Variants in CTNNA3 observed in about 807,000 individuals in gnomAD.
CTNNA3 encodes the protein catenin alpha-3.
CTNNA3 carries 76 observed loss-of-function variants against 95.7 expected under a neutral mutation model. The ratio of observed to expected loss-of-function variants is 0.79; its 90% CI spans 0.66 to 0.96. The LOEUF is 0.96. Ranked by LOEUF, CTNNA3 falls within the 40% of genes least tolerant of loss-of-function variation. The pLI, the probability that CTNNA3 is intolerant of heterozygous loss-of-function variation, is 0.00. For synonymous variants in CTNNA3, 431 were observed against 374.4 expected, an observed-to-expected ratio of 1.15 and a Z score of -1.74; for missense variants, 1,191 against 1,089.8, an observed-to-expected ratio of 1.09 and a Z score of -1.31.
intron 5 of CTNNA3, among the ~76,000 whole-genome samples, chr10:67,442,432 A>AAG (rs370901271): frequency 3.9e-5 from 6 of 152,136 alleles, no homozygotes; most frequent in African/African-American, 9.7e-5. Context: ...GATTAAAAAA[A>AAG]AGAGAGAGAC....
intron 7 of CTNNA3, among the ~76,000 whole-genome samples, chr10:66,809,506 C>T (rs992022463): frequency 6.6e-6 from 1 of 151,870 alleles, no homozygotes; most frequent in African/African-American, 2.4e-5. Context: ...GTTCTTTTAA[C>T]AGATTTGAAT....
chr10:66,662,832 A>G (rs887004080), intron 9 of CTNNA3, among the ~76,000 whole-genome samples: 3 of 152,156 alleles, frequency 2.0e-5, no homozygotes, highest in Non-Finnish European at 4.4e-5. Flanking sequence ...AAGGAAAGGA[A>G]GGAGAAAAAT....
At chr10:66,319,191 GA>G (rs533989675) in intron 12 of CTNNA3, among the ~76,000 whole-genome samples, 46 of 151,558 alleles carry the variant, frequency 3.0e-4, no homozygotes, top group African/African-American at 9.4e-4. Context: ...AATCAAATGG[GA>G]AAAAAAATCA....
At chr10:66,856,080 C>T (rs1169254196) in intron 7 of CTNNA3, among the ~76,000 whole-genome samples, 1 of 151,906 alleles carries the variant, frequency 6.6e-6, no homozygotes, top group African/African-American at 2.4e-5. Context: ...CCTCACCCTC[C>T]ACCCTAGAGT....
At chr10:67,521,774 C>G in intron 5 of CTNNA3, 68 bp downstream of exon 5, 2 of 1,566,460 alleles carry the variant, frequency 1.3e-6, no homozygotes, top group Non-Finnish European at 1.7e-6. Context: ...ACCTGCACCT[C>G]TGACAGGCAG....
chr10:66,587,930 C>T (rs960133268), intron 10 of CTNNA3, among the ~76,000 whole-genome samples: 3 of 152,146 alleles, frequency 2.0e-5, no homozygotes, highest in African/African-American at 7.2e-5. Context: ...ACTTGCCCCT[C>T]ATTTCTGGCC....
intron 7 of CTNNA3, among the ~76,000 whole-genome samples, chr10:66,886,208 A>AT (rs1845037222): frequency 6.6e-6 from 1 of 152,108 alleles, no homozygotes; most frequent in African/African-American, 2.4e-5. Context: ...CTCTGGAATC[A>AT]TTTTTCAATA....
chr10:67,510,118 T>G (rs1564703342), intron 5 of CTNNA3, among the ~76,000 whole-genome samples: 1 of 152,188 alleles, frequency 6.6e-6, no homozygotes, highest in Non-Finnish European at 1.5e-5. Flanking sequence ...TTGCAAAAAT[T>G]TTTTCCCATT....
intron 7 of CTNNA3, chr10:67,099,932 G>A (rs1318441641): frequency 6.6e-6 from 1 of 151,718 alleles, no homozygotes; most frequent in African/African-American, 2.4e-5. Flanking sequence ...TGATTCGTGA[G>A]TCTAAAATCA....
At chr10:66,681,091 TG>T (rs1302520083) in intron 9 of CTNNA3, among the ~76,000 whole-genome samples, 1 of 152,208 alleles carries the variant, frequency 6.6e-6, no homozygotes, top group Non-Finnish European at 1.5e-5. Flanking sequence ...GTGCCATGGC[TG>T]GAGAAAAGCA....
chr10:67,743,495 C>T (rs1315594671), intron 1 of CTNNA3, among the ~76,000 whole-genome samples: 10 of 151,198 alleles, frequency 6.6e-5, no homozygotes, highest in South Asian at 6.4e-4. Flanking sequence ...ATTGATGGGA[C>T]ATATCTCAAA....
At chr10:66,995,588 A>T (rs760393435) in intron 7 of CTNNA3, among the ~76,000 whole-genome samples, 6 of 152,312 alleles carry the variant, frequency 3.9e-5, no homozygotes, top group Admixed American at 2.0e-4. Flanking sequence ...AATCCTTAAC[A>T]TTATTCCCTG....
chr10:66,403,064 C>A (rs1015892665), intron 11 of CTNNA3, among the ~76,000 whole-genome samples: 3 of 152,130 alleles, frequency 2.0e-5, no homozygotes, highest in African/African-American at 7.2e-5. Flanking sequence ...GACCTGTAAG[C>A]CCCTGCTTCA....
chr10:66,973,403 G>A (rs1849835433), intron 7 of CTNNA3, among the ~76,000 whole-genome samples: 1 of 152,016 alleles, frequency 6.6e-6, no homozygotes. Context: ...CAAATGACAA[G>A]AACAATCTGA....
intron 11 of CTNNA3, among the ~76,000 whole-genome samples, chr10:66,501,734 A>G (rs1840284813): frequency 6.6e-6 from 1 of 152,142 alleles, no homozygotes; most frequent in African/African-American, 2.4e-5. Context: ...TACTCAGAGT[A>G]AGAATATTCT....
At chr10:67,551,124 C>A (rs1005862162) in intron 3 of CTNNA3, among the ~76,000 whole-genome samples, 3 of 152,076 alleles carry the variant, frequency 2.0e-5, no homozygotes, top group Non-Finnish European at 4.4e-5. Flanking sequence ...CAGTCCTGTG[C>A]CTGTAAAAAC....
At chr10:66,516,513 A>G (rs904399203) in intron 11 of CTNNA3, among the ~76,000 whole-genome samples, 60 of 152,286 alleles carry the variant, frequency 3.9e-4, no homozygotes, top group African/African-American at 1.3e-3. Flanking sequence ...AGCCGATTCT[A>G]TGCATTTCGT....
rs368475686 is a variant in CTNNA3 at position 66,878,029 on chromosome 10, C to T, written c.1048-102505G>A. ...TAAGGAAAATGTAGTTTCAATAAAT[C>T]GTTGGCAGTTCTTGCCAGGCACTCG... is the stretch of plus-strand genomic sequence containing the variant. On this transcript the variant is annotated intron_variant, in intron 7 of 17. Transcript: ENST00000433211. 5.3e-5 allele frequency among the ~76,000 whole-genome samples: 8 copies of T among 152,218 alleles called. No individual in the cohort carries two copies. The East Asian group carries it at 1.2e-3, about 22-fold the overall frequency.
Position 67,232,454 on chromosome 10 carries a change from C to T in CTNNA3, c.580-12584G>A, listed in dbSNP as rs1865260397. ...AGAAATAAAATACTTTACAGAGAAG[C>T]AAATCCTGAGAGATTTTGTCACCAC... On this transcript the variant is annotated intron_variant, in intron 5 of 17. Coordinates refer to ENST00000433211, the MANE Select transcript of CTNNA3 (RefSeq NM_013266.4). 7.9e-5 allele frequency among the ~76,000 whole-genome samples: 12 copies of T among 151,992 alleles called. No individual in the cohort carries two copies. The South Asian group carries it at 2.5e-3, about 32-fold the overall frequency.
Sources: allele counts gnomAD v4.1 joint callset (sites outside exome capture counted in the v4.1 genomes callset), GRCh38; gene constraint gnomAD v4.1.1; transcripts MANE v1.5; gene names NCBI Gene and HGNC (gene_info 2026-07-23, HGNC 2026-07-21).